Variants in MYO3A observed in about 807,000 individuals in gnomAD.
MYO3A encodes myosin-IIIa.
Under a neutral mutation model 192.7 loss-of-function variants are expected in MYO3A, and 180 were observed. That is an observed-to-expected ratio of 0.93 (90% confidence interval 0.83 to 1.06). The LOEUF is 1.06. Ranked by LOEUF, MYO3A falls within the 50% of genes least tolerant of loss-of-function variation. MYO3A has a pLI of 0.00. For missense variants in MYO3A, 1,896 were observed against 1,905.0 expected, an observed-to-expected ratio of 1.00 and a Z score of 0.09; for synonymous variants, 628 against 645.3, an observed-to-expected ratio of 0.97 and a Z score of 0.41.
intron 10 of MYO3A, among the ~76,000 whole-genome samples, chr10:26,048,713 C>A (rs72795825): frequency 0.16 from 24,703 of 152,036 alleles, 2,293 homozygotes; most frequent in Non-Finnish European, 0.21. Context: ...TATTGTGGTC[C>A]TGCTAAATTT....
intron 28 of MYO3A, among the ~76,000 whole-genome samples, chr10:26,169,945 T>G (rs558902466): frequency 2.0e-5 from 3 of 152,324 alleles, no homozygotes; most frequent in African/African-American, 7.2e-5. Context: ...AAATAGTCAT[T>G]GATTATTGGG....
intron 17 of MYO3A, among the ~76,000 whole-genome samples, chr10:26,100,177 T>C (rs145433929): frequency 0.014 from 2,197 of 152,340 alleles, 48 homozygotes; most frequent in African/African-American, 0.05. Flanking sequence ...TTCTTCTAGA[T>C]TTTCTAGTTT....
chr10:26,050,702 G>A (rs1349475036), intron 10 of MYO3A, among the ~76,000 whole-genome samples: 4 of 152,166 alleles, frequency 2.6e-5, no homozygotes, highest in Non-Finnish European at 5.9e-5. Context: ...ACAGAGCAGA[G>A]AGAAGTCACA....
intron 6 of MYO3A, among the ~76,000 whole-genome samples, chr10:26,001,402 C>T (rs1840802843): frequency 6.6e-6 from 1 of 152,204 alleles, no homozygotes; most frequent in Non-Finnish European, 1.5e-5. Flanking sequence ...TACAGTGAGG[C>T]ACTGGGCAGA....
chr10:26,174,140 G>A lies in MYO3A; in HGVS notation c.3876G>A (p.Arg1292=), dbSNP rs1481349125. ...CTTTGGAACCTACACTTAGCCAAAG[G>A]TCAATTTATCAAAATGCAAACAGCA... ...KKTLEPTLSQ[R]SIYQNANSME... is the part of the protein sequence containing the mutation. The change falls in exon 30 of 35, where the codon AGG becomes AGA. Residue 1292 remains arginine (R), a synonymous_variant. Coordinates refer to ENST00000642920, the MANE Select transcript of MYO3A (RefSeq NM_017433.5). 1 of 1,614,170 alleles carries A rather than the reference G, an allele frequency of 6.2e-7. No homozygotes were observed. Among genetic ancestry groups the A allele is most frequent in the East Asian group, 2.2e-5 (1 of 44,886 alleles).
chr10:26,075,645 A>G (rs1835495969), intron 14 of MYO3A, among the ~76,000 whole-genome samples: 1 of 142,464 alleles, frequency 7.0e-6, no homozygotes, highest in African/African-American at 2.5e-5. Flanking sequence ...CATATATGAT[A>G]TATATGTCTC....
At position 26,212,003 on chromosome 10, in the gene MYO3A, A is replaced by C. The variant is rs773996675; in HGVS notation, c.*40A>C. The C allele has an allele frequency of 6.2e-6, 10 of 1,602,182 alleles. No homozygotes were observed. In the African/African-American group the frequency reaches 9.4e-5, roughly 15 times the overall value. ...AGTCACCGCCGTCGGAAGGCGCTGG[A>C]GCCTGCGGGGCAGCAGGGGCCAAGC... On this transcript the variant is annotated 3_prime_UTR_variant, in exon 35 of 35. Coordinates refer to ENST00000642920, the MANE Select transcript of MYO3A (RefSeq NM_017433.5).
intron 10 of MYO3A, among the ~76,000 whole-genome samples, chr10:26,041,719 C>T (rs1373209526): frequency 6.6e-6 from 1 of 152,012 alleles, no homozygotes; most frequent in Non-Finnish European, 1.5e-5. Flanking sequence ...ACTAATTAAA[C>T]TCTACCGCTT....
intron 33 of MYO3A, among the ~76,000 whole-genome samples, chr10:26,201,514 A>G (rs1250702962): frequency 6.6e-6 from 1 of 151,454 alleles, no homozygotes; most frequent in Non-Finnish European, 1.5e-5. Context: ...CCCCGTCTCT[A>G]CTAAAAATAC....
chr10:26,094,747 G>A (rs931186783), intron 15 of MYO3A, among the ~76,000 whole-genome samples: 1 of 151,208 alleles, frequency 6.6e-6, no homozygotes, highest in Non-Finnish European at 1.5e-5. Context: ...TCTAAAGAGA[G>A]CAATAGTAAA....
intron 23 of MYO3A, 116 bp downstream of exon 23, chr10:26,147,675 T>A (rs771333139): frequency 6.9e-7 from 1 of 1,448,232 alleles, no homozygotes; most frequent in Non-Finnish European, 9.5e-7. Flanking sequence ...TTCGGCTCAC[T>A]AAATATTCAT....
At chr10:26,016,494 T>C (rs902501062) in intron 6 of MYO3A, among the ~76,000 whole-genome samples, 1 of 152,154 alleles carries the variant, frequency 6.6e-6, no homozygotes, top group African/African-American at 2.4e-5. Context: ...ACAAAATATG[T>C]AAAATCGTTT....
chr10:26,041,921 A>C (rs980550327), intron 10 of MYO3A, among the ~76,000 whole-genome samples: 1 of 152,076 alleles, frequency 6.6e-6, no homozygotes, highest in African/African-American at 2.4e-5. Flanking sequence ...CAAATTTTGT[A>C]CCTTAAAATG....
At chr10:26,099,644 C>A (rs1016224107) in intron 17 of MYO3A, among the ~76,000 whole-genome samples, 1 of 152,102 alleles carries the variant, frequency 6.6e-6, no homozygotes. Flanking sequence ...TTGTTGAAGG[C>A]CTTTTCTGCA....
intron 17 of MYO3A, among the ~76,000 whole-genome samples, chr10:26,102,674 C>G (rs1478894062): frequency 1.3e-5 from 2 of 152,154 alleles, no homozygotes; most frequent in Admixed American, 6.5e-5. Flanking sequence ...CCCTCCAGAC[C>G]CTGTTTGTCT....
chr10:26,020,639 A>T (rs904753532), intron 7 of MYO3A, among the ~76,000 whole-genome samples: 2 of 152,326 alleles, frequency 1.3e-5, no homozygotes, highest in African/African-American at 4.8e-5. Flanking sequence ...ATAAAATTTT[A>T]AAAATGCAAA....
rs375824839 is a variant in MYO3A, at chr10:25,997,257, T to C, written c.507T>C (p.Phe169=). Reference sequence around the variant, plus strand: ...AAGGTGGAGTGAAACTAGTAGATTTTGGTAAGTTTTGTTTAAAATGCATGA... The same window carrying C: ...AAGGTGGAGTGAAACTAGTAGATTTCGGTAAGTTTTGTTTAAAATGCATGA... ...TTEGGVKLVD[F]GVSAQLTSTR... Residue 169 remains phenylalanine, a splice_region_variant and synonymous_variant, in exon 6 of 35, where the codon TTT becomes TTC. Coordinates refer to ENST00000642920, the MANE Select transcript of MYO3A (RefSeq NM_017433.5). 1.2e-6 allele frequency: 2 copies of C among 1,604,994 alleles called. No homozygotes were observed. The highest frequency in any genetic ancestry group is 1.3e-5 in the African/African-American group (1 of 74,636).
chr10:25,988,544 A>G (rs1329715887), intron 4 of MYO3A, among the ~76,000 whole-genome samples: 1 of 152,162 alleles, frequency 6.6e-6, no homozygotes, highest in Non-Finnish European at 1.5e-5. Flanking sequence ...AGAGACAGTT[A>G]AATATATAAC....
chr10:26,211,830 G>A lies in MYO3A; in HGVS notation c.4731-13G>A. On this transcript the variant is annotated splice_polypyrimidine_tract_variant and intron_variant, in intron 34 of 34. Coordinates refer to ENST00000642920, the MANE Select transcript of MYO3A (RefSeq NM_017433.5). ...GGTGAGGTTGACACTTGGGCCCTGG[G>A]TTTCACTTGCAGGTGCTGGGCGGCG... The A allele has an allele frequency of 6.2e-7, 1 of 1,614,030 alleles. No individual in the cohort carries two copies. Among genetic ancestry groups the A allele is most frequent in the Non-Finnish European group, 8.5e-7 (1 of 1,180,012 alleles).
Sources: gnomAD v4.1 joint callset for allele counts (sites outside exome capture counted in the v4.1 genomes callset) on GRCh38, gnomAD v4.1.1 for gene constraint, MANE v1.5 for transcripts, NCBI Gene and HGNC (gene_info 2026-07-23, HGNC 2026-07-21) for gene names.